The following KIF5C variants were observed in gnomAD, a reference collection of about 807,000 sequenced individuals.
KIF5C encodes the protein kinesin heavy chain isoform 5C.
A neutral mutation model predicts 125.2 loss-of-function variants in KIF5C; 18 were observed. That is an observed-to-expected ratio of 0.14 (90% CI 0.10 to 0.21). The LOEUF is 0.21. Among genes scored for constraint, KIF5C ranks in the 10% least tolerant of loss-of-function variants. The pLI is 1.00. For missense variants in KIF5C, 780 were observed against 1,183.8 expected (o/e 0.66, Z 5.01); for synonymous variants, 405 against 434.0 (o/e 0.93, Z 0.83).
chr2:148,980,675 CTTATTTATTTATTTATTTATTTAT>C (rs5835290), intron 13 of KIF5C, among the ~76,000 whole-genome samples: 1,812 of 144,682 alleles, frequency 0.013, 36 homozygotes, highest in African/African-American at 0.043. Context: ...AGATCCTTTG[CTTATTTATTTATTTATTTATTTAT>C]TTATTTATTT....
chr2:148,936,229 G>T (rs1309382665), intron 3 of KIF5C, among the ~76,000 whole-genome samples: 1 of 152,202 alleles, frequency 6.6e-6, no homozygotes, highest in Non-Finnish European at 1.5e-5. Flanking sequence ...GTTGCAGTCA[G>T]CTAAGACTGC....
intron 1 of KIF5C, among the ~76,000 whole-genome samples, chr2:148,902,013 G>A (rs954336504): frequency 8.5e-5 from 13 of 152,184 alleles, no homozygotes; most frequent in Non-Finnish European, 1.8e-4. Context: ...TGCCCCTCCC[G>A]AGGGTGGACT....
chr2:149,016,425 C>CAGGGGAGA (rs1245845310), intron 25 of KIF5C, among the ~76,000 whole-genome samples: 2 of 152,066 alleles, frequency 1.3e-5, no homozygotes, highest in Admixed American at 6.5e-5. Flanking sequence ...GTGGTGGCAG[C>CAGGGGAGA]AGGGGAGAAG....
rs573211683 is a variant in KIF5C at position 148,891,482 on chromosome 2, G to A, written c.126+15739G>A. Among the ~76,000 whole-genome samples, 40 of 151,674 alleles carry A rather than the reference G, an allele frequency of 2.6e-4. 1 individual carries two copies. The South Asian group carries it at 7.1e-3, about 27-fold the overall frequency. ...TGTGCACTATAAATATCAATTAGTC[G>A]AATGTCTTGATTAGCAGAACTGCAG... On this transcript the variant is annotated intron_variant, in intron 1 of 25. Coordinates refer to ENST00000435030, the MANE Select transcript of KIF5C (RefSeq NM_004522.3).
intron 10 of KIF5C, among the ~76,000 whole-genome samples, chr2:148,956,597 A>T (rs369024064): frequency 6.0e-4 from 92 of 152,328 alleles, no homozygotes; most frequent in South Asian, 2.1e-3. Flanking sequence ...CTTGACTTGA[A>T]GCAAGCCAAA....
At chr2:148,949,692 G>A (rs1453767330) in intron 8 of KIF5C, 147 bp from the exon 9 acceptor site, 1 of 1,151,086 alleles carries the variant, frequency 8.7e-7, no homozygotes, top group East Asian at 2.6e-5. Context: ...CACGAAGGAT[G>A]GTTTTTTATC....
chr2:148,980,255 G>A (rs1681195809), intron 13 of KIF5C, among the ~76,000 whole-genome samples: 1 of 152,072 alleles, frequency 6.6e-6, no homozygotes, highest in Non-Finnish European at 1.5e-5. Context: ...CTATAGTCGA[G>A]GCCTTCCATT....
At chr2:148,927,597 G>C (rs540599389) in intron 2 of KIF5C, among the ~76,000 whole-genome samples, 2 of 152,116 alleles carry the variant, frequency 1.3e-5, no homozygotes, top group Admixed American at 6.6e-5. Context: ...ATTCCAATAG[G>C]CTGGAGTTTT....
At chr2:148,890,229 G>A (rs567913326) in intron 1 of KIF5C, among the ~76,000 whole-genome samples, 2 of 152,088 alleles carry the variant, frequency 1.3e-5, no homozygotes, top group African/African-American at 2.4e-5. Context: ...AACACACAAG[G>A]CACAAAGAAA....
chr2:148,970,635 A>G (rs1680875318), intron 11 of KIF5C, among the ~76,000 whole-genome samples: 1 of 152,218 alleles, frequency 6.6e-6, no homozygotes, highest in Non-Finnish European at 1.5e-5. Flanking sequence ...AATCTCTGCC[A>G]TCTGGGACAA....
intron 22 of KIF5C, 111 bp from the exon 23 acceptor site, chr2:149,007,852 T>C: frequency 8.2e-7 from 1 of 1,221,832 alleles, no homozygotes; most frequent in Non-Finnish European, 1.1e-6. Flanking sequence ...ATTTTCACTT[T>C]CAGAATACCC....
chr2:148,887,279 A>C (rs907527535), intron 1 of KIF5C, among the ~76,000 whole-genome samples: 6 of 152,206 alleles, frequency 3.9e-5, no homozygotes, highest in Admixed American at 1.3e-4. Context: ...TAGAAAATTT[A>C]AAATTACATG....
intron 1 of KIF5C, among the ~76,000 whole-genome samples, chr2:148,892,409 T>G (rs1013971028): frequency 2.6e-5 from 4 of 152,226 alleles, no homozygotes; most frequent in Non-Finnish European, 5.9e-5. Flanking sequence ...GTTGTTCCCA[T>G]TAGCAACCGA....
chr2:149,000,714 T>G lies in KIF5C; in HGVS notation c.2313-8T>G, dbSNP rs774854721. ...TGTGGTGGTCTATGGTTCCTTTTTG[T>G]TTTTCAGATTGCTCAACGATAAAAG... On this transcript the variant is annotated splice_polypyrimidine_tract_variant and splice_region_variant and intron_variant, in intron 20 of 25. Coordinates refer to ENST00000435030, the MANE Select transcript of KIF5C (RefSeq NM_004522.3). 2.5e-6 allele frequency: 4 copies of G among 1,613,740 alleles called. No homozygotes were observed. Among genetic ancestry groups the G allele is most frequent in the Non-Finnish European group, 3.4e-6 (4 of 1,179,826 alleles).
At position 148,924,212 on chromosome 2, in the gene KIF5C, A is replaced by G. The variant is rs1490048499; in HGVS notation, c.217+1985A>G. Among the ~76,000 whole-genome samples, 1 of 152,232 alleles carries G rather than the reference A, an allele frequency of 6.6e-6. No homozygotes were observed. The highest frequency in any genetic ancestry group is 1.5e-5 in the Non-Finnish European group (1 of 68,034). On this transcript the variant is annotated intron_variant, in intron 2 of 25. Transcript: ENST00000435030. The surrounding 1 kb of genome is among the most constrained non-coding windows in gnomAD (Gnocchi z 4.0). The stretch of plus-strand genomic sequence containing the variant: ...AAGAACTCCTTGGAACAGATGATCA[A>G]GTATAGCTGAGGTATCTCTTGCCAT...
At position 148,920,780 on chromosome 2, in the gene KIF5C, C is replaced by T. The variant is rs1681752788; in HGVS notation, c.127-1357C>T. On this transcript the variant is annotated intron_variant, in intron 1 of 25. Transcript: ENST00000435030. ...GTGAAGGTTATAGGATGTAACAAGC[C>T]TTGCTCTTGGATCCCTCATGAGCAA... Among the ~76,000 whole-genome samples the T allele has an allele frequency of 3.3e-5, 5 of 152,330 alleles. No homozygotes were observed. In the South Asian group the frequency reaches 1.0e-3, roughly 32 times the overall value.
intron 1 of KIF5C, among the ~76,000 whole-genome samples, chr2:148,901,118 T>C (rs1209166048): frequency 2.6e-5 from 4 of 152,196 alleles, no homozygotes; most frequent in African/African-American, 9.7e-5. Flanking sequence ...GTTGCGAGGA[T>C]ATCTAATTGT....
intron 1 of KIF5C, among the ~76,000 whole-genome samples, chr2:148,893,894 T>C (rs1341078171): frequency 1.3e-5 from 2 of 152,224 alleles, no homozygotes; most frequent in African/African-American, 2.4e-5. Context: ...CAATTCACCG[T>C]CTTTGGACCA....
chr2:149,022,753 G>A (rs1682568795), intron 25 of KIF5C, among the ~76,000 whole-genome samples: 1 of 152,024 alleles, frequency 6.6e-6, no homozygotes, highest in Non-Finnish European at 1.5e-5. Context: ...GTGAAACACC[G>A]TCTCTACTAA....
Sources: allele counts gnomAD v4.1 joint callset (sites outside exome capture counted in the v4.1 genomes callset), GRCh38; gene constraint gnomAD v4.1.1; non-coding constraint Gnocchi (gnomAD v3.1); transcripts MANE v1.5; gene names NCBI Gene and HGNC (gene_info 2026-07-23, HGNC 2026-07-21).